PDZRN3: variants seen among roughly 807,000 people sequenced by gnomAD.
The protein encoded by PDZRN3 is E3 ubiquitin-protein ligase PDZRN3.
Under a neutral mutation model 85.7 loss-of-function variants are expected in PDZRN3, and 38 were observed. The observed-to-expected ratio is 0.44, with a 90% CI of 0.34 to 0.58. The LOEUF is 0.58. PDZRN3 is among the 20% of genes least tolerant of loss of function. PDZRN3 has a pLI of 0.01. For synonymous variants in PDZRN3, 759 were observed against 638.0 expected (o/e 1.19, Z -2.86); for missense variants, 1,629 against 1,506.4 (o/e 1.08, Z -1.35).
intron 1 of PDZRN3, among the ~76,000 whole-genome samples, chr3:73,613,849 AC>A (rs1000804937): frequency 3.3e-5 from 5 of 151,892 alleles, no homozygotes; most frequent in African/African-American, 1.2e-4. Flanking sequence ...CCCCACCCAA[AC>A]CCAATTCAAG....
At chr3:73,578,757 G>A (rs1054671285) in intron 3 of PDZRN3, among the ~76,000 whole-genome samples, 3 of 151,998 alleles carry the variant, frequency 2.0e-5, no homozygotes, top group East Asian at 1.9e-4. Flanking sequence ...GGACCAATGA[G>A]GAACCTGCCC....
chr3:73,387,989 C>T lies in PDZRN3; in HGVS notation c.1497G>A (p.Leu499=), dbSNP rs1232708929. The change falls in exon 8 of 10, where the codon CTG becomes CTA. Residue 499 remains leucine (L), a synonymous_variant. Transcript: ENST00000263666. ...TTACCTGGAGTTCAGGCCTTGCAAT[C>T]AGCAATGAAAAGTTTTTATTTTCTT... ...TSEENKNFSL[L]IARPELQLDE... The T allele has an allele frequency of 6.4e-7, 1 of 1,560,116 alleles. No individual in the cohort carries two copies. Among genetic ancestry groups the T allele is most frequent in the Admixed American group, 1.7e-5 (1 of 58,182 alleles).
chr3:73,486,625 A>G (rs112687334), intron 3 of PDZRN3, among the ~76,000 whole-genome samples: 4 of 152,344 alleles, frequency 2.6e-5, no homozygotes, highest in African/African-American at 7.2e-5. Flanking sequence ...TAGTAAAATA[A>G]TAAGTATATT....
intron 3 of PDZRN3, among the ~76,000 whole-genome samples, chr3:73,547,570 C>A (rs527243226): frequency 5.8e-4 from 89 of 152,326 alleles, no homozygotes; most frequent in Admixed American, 5.3e-3. Flanking sequence ...GGCCATCTGG[C>A]CCTATCAGCT....
intron 3 of PDZRN3, among the ~76,000 whole-genome samples, chr3:73,492,167 T>A (rs942469186): frequency 1.3e-5 from 2 of 152,292 alleles, no homozygotes; most frequent in South Asian, 4.1e-4. Flanking sequence ...CAAACCAATT[T>A]CAAGGGGCCT....
intron 3 of PDZRN3, among the ~76,000 whole-genome samples, chr3:73,555,752 G>C (rs150154708): frequency 1.9e-4 from 29 of 152,236 alleles, no homozygotes; most frequent in African/African-American, 6.7e-4. Context: ...AGAGGTGAAA[G>C]GAAAGTCAAT....
At chr3:73,578,490 T>C (rs1196309537) in intron 3 of PDZRN3, among the ~76,000 whole-genome samples, 3 of 152,142 alleles carry the variant, frequency 2.0e-5, no homozygotes, top group Non-Finnish European at 4.4e-5. Context: ...TCAAGGTACC[T>C]TTAGTTACTG....
At chr3:73,475,687 T>C (rs1274232444) in intron 3 of PDZRN3, among the ~76,000 whole-genome samples, 2 of 152,216 alleles carry the variant, frequency 1.3e-5, no homozygotes, top group Admixed American at 6.5e-5. Context: ...CTTCAGCCAG[T>C]TGGTAATGAA....
At chr3:73,387,936 G>A (rs1290772255) in intron 8 of PDZRN3, 32 bp downstream of exon 8, 8 of 1,006,762 alleles carry the variant, frequency 7.9e-6, no homozygotes, top group Non-Finnish European at 1.2e-5. Context: ...TAGAAATATA[G>A]ACCCAGTTTC....
chr3:73,483,207 T>TGAA (rs1409564536), intron 3 of PDZRN3, among the ~76,000 whole-genome samples: 3 of 152,162 alleles, frequency 2.0e-5, no homozygotes, highest in South Asian at 4.1e-4. Flanking sequence ...TCTACAAGGA[T>TGAA]GAAGGGAAGA....
chr3:73,453,772 G>C (rs1462402324), intron 3 of PDZRN3, among the ~76,000 whole-genome samples: 2 of 152,134 alleles, frequency 1.3e-5, no homozygotes, highest in African/African-American at 2.4e-5. Context: ...CACACACACA[G>C]ACAATTGATC....
intron 3 of PDZRN3, among the ~76,000 whole-genome samples, chr3:73,591,701 T>C (rs1575754170): frequency 6.6e-6 from 1 of 152,192 alleles, no homozygotes; most frequent in African/African-American, 2.4e-5. Context: ...TTCTTTATTA[T>C]GGCAACTTTA....
chr3:73,491,593 C>CTTTTTTTTTTTTTT (rs1429977645), intron 3 of PDZRN3, among the ~76,000 whole-genome samples: 19 of 132,870 alleles, frequency 1.4e-4, no homozygotes, highest in African/African-American at 4.4e-4. Context: ...TGGAAGGTTC[C>CTTTTTTTTTTTTTT]TTTTTTTTTT....
At chr3:73,388,391 G>T (rs1347032408) in intron 7 of PDZRN3, among the ~76,000 whole-genome samples, 7 of 152,166 alleles carry the variant, frequency 4.6e-5, no homozygotes, top group African/African-American at 1.7e-4. Flanking sequence ...AGGGAACATG[G>T]AAGCAATTAG....
At chr3:73,472,455 G>C (rs935497016) in intron 3 of PDZRN3, among the ~76,000 whole-genome samples, 1 of 152,160 alleles carries the variant, frequency 6.6e-6, no homozygotes, top group African/African-American at 2.4e-5. Flanking sequence ...GCTGTAACCC[G>C]TATATGCCCT....
chr3:73,441,773 C>T (rs1454616805), intron 3 of PDZRN3, among the ~76,000 whole-genome samples: 1 of 152,134 alleles, frequency 6.6e-6, no homozygotes, highest in Admixed American at 6.5e-5. Context: ...TGGGAAATGG[C>T]AGGGGCTGGT....
intron 3 of PDZRN3, among the ~76,000 whole-genome samples, chr3:73,591,556 A>C (rs1040396589): frequency 6.6e-6 from 1 of 152,190 alleles, no homozygotes; most frequent in Non-Finnish European, 1.5e-5. Flanking sequence ...AGCCGTCATC[A>C]AAGTGTTGGC....
chr3:73,618,147 G>A (rs1702793860), intron 1 of PDZRN3, among the ~76,000 whole-genome samples: 1 of 152,184 alleles, frequency 6.6e-6, no homozygotes. Flanking sequence ...AGCCAGTGGA[G>A]GACACTTGGC....
At chr3:73,578,736 G>A (rs192183915) in intron 3 of PDZRN3, among the ~76,000 whole-genome samples, 19,459 of 151,998 alleles carry the variant, frequency 0.13, 1,331 homozygotes, top group Admixed American at 0.18. Context: ...ATTAATCCAA[G>A]TTTGCTTTAG....
Sources: allele counts gnomAD v4.1 joint callset (sites outside exome capture counted in the v4.1 genomes callset), GRCh38; gene constraint gnomAD v4.1.1; transcripts MANE v1.5; gene names NCBI Gene and HGNC (gene_info 2026-07-23, HGNC 2026-07-21).